RELL1: variants seen among roughly 807,000 people sequenced by gnomAD.
RELL1 encodes RELT like 1, also known as RELT-like protein 1.
A neutral mutation model predicts 23.0 loss-of-function variants in RELL1; 10 were observed. The observed-to-expected ratio is 0.43, with a 90% CI of 0.27 to 0.74. RELL1 has a LOEUF of 0.74. Among genes scored for constraint, RELL1 ranks in the 30% least tolerant of loss-of-function variants. RELL1 has a pLI of 0.19. For missense variants in RELL1, 315 were observed against 364.4 expected (o/e 0.86, Z 1.10); for synonymous variants, 146 against 146.8 (o/e 0.99, Z 0.04).
intron 1 of RELL1, among the ~76,000 whole-genome samples, chr4:37,667,168 C>T (rs563995801): frequency 6.6e-6 from 1 of 152,136 alleles, no homozygotes; most frequent in East Asian, 1.9e-4. Flanking sequence ...ATGTCACTAG[C>T]ATGAAACCCA....
At chr4:37,596,130 A>G (rs1718837526) in intron 6 of RELL1, among the ~76,000 whole-genome samples, 1 of 151,956 alleles carries the variant, frequency 6.6e-6, no homozygotes, top group Non-Finnish European at 1.5e-5. Context: ...ATCCTAATAA[A>G]CCTGGGGTGA....
At position 37,615,978 on chromosome 4, in the gene RELL1, G is replaced by GA. The variant is rs200813458; in HGVS notation, c.*4-2637dup. ...ATGCCTTGTTAAAAAGGATTCTCTA[G>GA]AAAAAAAAAAGAAATTGATCCCTTT... On this transcript the variant is annotated intron_variant, in intron 6 of 6. Coordinates refer to ENST00000454158, the MANE Select transcript of RELL1 (RefSeq NM_001085400.2). 2.8e-4 allele frequency among the ~76,000 whole-genome samples: 41 copies of GA among 145,944 alleles called. No individual in the cohort carries two copies. The East Asian group carries it at 4.0e-3, about 14-fold the overall frequency.
At chr4:37,623,392 C>A (rs2109247088) in intron 6 of RELL1, 1 of 154,636 alleles carries the variant, frequency 6.5e-6, no homozygotes, top group South Asian at 2.0e-4. Context: ...AAGCAAAGCT[C>A]CCTCACACTC....
intron 4 of RELL1, among the ~76,000 whole-genome samples, chr4:37,636,683 G>T (rs143686939): frequency 2.4e-3 from 369 of 152,204 alleles, no homozygotes; most frequent in African/African-American, 8.6e-3. Context: ...AGCAGAAAAG[G>T]AGGAATTCTA....
intron 5 of RELL1, among the ~76,000 whole-genome samples, chr4:37,632,019 CA>C (rs1720153270): frequency 8.2e-6 from 1 of 121,328 alleles, no homozygotes; most frequent in Non-Finnish European, 1.6e-5. Flanking sequence ...CTGGAGGTTG[CA>C]GTGAGCCGAG....
downstream of RELL1, among the ~76,000 whole-genome samples, chr4:37,608,346 G>C (rs1719285697): frequency 6.6e-6 from 1 of 152,212 alleles, no homozygotes; most frequent in South Asian, 2.1e-4. Context: ...TAGTTAAGTT[G>C]TGAATGCAAA....
rs1254428599 is a variant in RELL1 at position 37,623,038 on chromosome 4, CATG to C, written c.*3+8344_*3+8346del. On this transcript the variant is annotated intron_variant, in intron 6 of 6. Coordinates refer to ENST00000454158, the MANE Select transcript of RELL1 (RefSeq NM_001085400.2). ...CAGGCTGGTCTCGAACTCCTGACCTCATGATCTGCCCACCTTGGCCTCCCAAAG... is the reference window on the plus strand; with the variant it reads ...CAGGCTGGTCTCGAACTCCTGACCTCATCTGCCCACCTTGGCCTCCCAAAG... The C allele has an allele frequency of 2.0e-5, 7 of 344,972 alleles. No individual in the cohort carries two copies. The East Asian group carries it at 5.7e-4, about 28-fold the overall frequency. The allele number at this position is 344,972 out of a possible 1,614,324, so 21.4% of individuals were successfully genotyped here.
intron 1 of RELL1, among the ~76,000 whole-genome samples, chr4:37,649,948 G>A (rs1027039255): frequency 7.9e-5 from 12 of 152,330 alleles, no homozygotes; most frequent in Admixed American, 7.8e-4. Context: ...GAACACTCAA[G>A]TTCAATTCCC....
At chr4:37,598,078 A>ATATATATATATATATATATATAT (rs1553870664) in intron 6 of RELL1, among the ~76,000 whole-genome samples, 1 of 126,752 alleles carries the variant, frequency 7.9e-6, no homozygotes, top group African/African-American at 2.9e-5. Context: ...TATATATCAT[A>ATATATATATATATATATATATAT]ATATATATAT....
chr4:37,626,541 A>G (rs1376613779), intron 6 of RELL1, among the ~76,000 whole-genome samples: 1 of 152,166 alleles, frequency 6.6e-6, no homozygotes, highest in African/African-American at 2.4e-5. Context: ...TTCTCAGTAC[A>G]TATCCAGAGG....
At chr4:37,615,957 C>T (rs77198750) in intron 6 of RELL1, among the ~76,000 whole-genome samples, 2,312 of 151,810 alleles carry the variant, frequency 0.015, 29 homozygotes, top group Non-Finnish European at 0.023. Flanking sequence ...ATATCTATGC[C>T]TTGTTAAAAA....
At chr4:37,607,916 C>A (rs1719272814), downstream of RELL1, among the ~76,000 whole-genome samples, 1 of 152,144 alleles carries the variant, frequency 6.6e-6, no homozygotes, top group Non-Finnish European at 1.5e-5. Context: ...ACAGCATGTG[C>A]TCACTCATGT....
At chr4:37,685,721 G>A (rs1286353088) in intron 1 of RELL1, among the ~76,000 whole-genome samples, 1 of 152,264 alleles carries the variant, frequency 6.6e-6, no homozygotes, top group Non-Finnish European at 1.5e-5. Flanking sequence ...AACGTGGAAA[G>A]AGATTCAAAG....
chr4:37,604,755 CAA>C (rs1377367748), intron 6 of RELL1, among the ~76,000 whole-genome samples: 1 of 102,138 alleles, frequency 9.8e-6, no homozygotes, highest in African/African-American at 3.3e-5. Flanking sequence ...AGGCTAAAAA[CAA>C]GAACCACACA....
chr4:37,604,858 C>CACAT (rs1719131944), intron 6 of RELL1, among the ~76,000 whole-genome samples: 3 of 109,604 alleles, frequency 2.7e-5, no homozygotes, highest in Admixed American at 8.4e-5. Context: ...CACAGACACA[C>CACAT]ACACACAGAC....
intron 1 of RELL1, among the ~76,000 whole-genome samples, chr4:37,676,037 A>C (rs918895495): frequency 2.0e-5 from 3 of 151,508 alleles, no homozygotes; most frequent in Non-Finnish European, 4.4e-5. Context: ...CACCTGACCA[A>C]CTCCTGCAGT....
At position 37,686,362 on chromosome 4, in the gene RELL1, G is replaced by T. The variant is rs1722416577; in HGVS notation, c.-75C>A. ...GGAAGGCAGAGCCGCTCCGGAGCCG[G>T]CGGGCTGATCGAGTGGCTGGGCTGG... On this transcript the variant is annotated 5_prime_UTR_variant, in exon 1 of 7. Transcript: ENST00000454158. 8.2e-7 allele frequency: 1 copy of T among 1,222,704 alleles called. No homozygotes were observed. The allele number at this position is 1,222,704 out of a possible 1,614,324, so 75.7% of individuals were successfully genotyped here. A position where few individuals can be genotyped will look rare whatever the true frequency, so the allele number is the denominator to read the frequency against.
At chr4:37,640,978 G>A (rs1460922926) in intron 3 of RELL1, among the ~76,000 whole-genome samples, 7 of 152,098 alleles carry the variant, frequency 4.6e-5, no homozygotes, top group East Asian at 1.9e-4. Flanking sequence ...AAAATCAAAC[G>A]TTTAAATCAC....
At chr4:37,657,360 G>A (rs1351894810) in intron 1 of RELL1, among the ~76,000 whole-genome samples, 1 of 152,162 alleles carries the variant, frequency 6.6e-6, no homozygotes, top group Non-Finnish European at 1.5e-5. Context: ...AGCTCCTTCT[G>A]AGCAAGCAAG....
Sources: allele counts gnomAD v4.1 joint callset (sites outside exome capture counted in the v4.1 genomes callset), GRCh38; gene constraint gnomAD v4.1.1; transcripts MANE v1.5; gene names NCBI Gene and HGNC (gene_info 2026-07-23, HGNC 2026-07-21).